Variants in SDK1 observed in about 807,000 individuals in gnomAD.
SDK1 encodes the protein protein sidekick-1.
A neutral mutation model predicts 245.5 loss-of-function variants in SDK1; 157 were observed. The observed-to-expected ratio is 0.64, with a 90% confidence interval of 0.56 to 0.73. SDK1 has a LOEUF of 0.73. Ranked by LOEUF, SDK1 falls within the 30% of genes least tolerant of loss-of-function variation. SDK1 has a pLI of 0.00. For missense variants in SDK1, 3,583 were observed against 3,002.3 expected (o/e 1.19, Z -4.52); for synonymous variants, 1,647 against 1,278.5 (o/e 1.29, Z -6.15).
intron 1 of SDK1, among the ~76,000 whole-genome samples, chr7:3,441,447 C>G (rs779682297): frequency 2.6e-5 from 4 of 152,116 alleles, no homozygotes; most frequent in Non-Finnish European, 5.9e-5. Flanking sequence ...TGAATTGTTC[C>G]AGCACCATTT....
chr7:4,025,917 G>C (rs28701564), intron 17 of SDK1, among the ~76,000 whole-genome samples: 1 of 152,110 alleles, frequency 6.6e-6, no homozygotes. Flanking sequence ...CCTGGGTGCC[G>C]CCCACACTGA....
intron 5 of SDK1, among the ~76,000 whole-genome samples, chr7:3,942,897 GTCTCATGGC>G (rs1015281787): frequency 3.9e-5 from 6 of 152,196 alleles, no homozygotes; most frequent in Admixed American, 3.9e-4. Flanking sequence ...TTATGCCTGA[GTCTCATGGC>G]TCAGGGAGAA....
rs540404671 is a variant in SDK1 at position 3,723,166 on chromosome 7, G to T, written c.713+81061G>T. ...GTGTGTTCTAAAATAAAAGGCTTCT[G>T]TACTCAAAATTGAGCTTTGTCCCTG... is the stretch of plus-strand genomic sequence containing the variant. On this transcript the variant is annotated intron_variant, in intron 4 of 44. Transcript: ENST00000404826. 3.3e-5 allele frequency among the ~76,000 whole-genome samples: 5 copies of T among 152,314 alleles called. No individual in the cohort carries two copies. In the East Asian group the frequency reaches 5.8e-4, roughly 18 times the overall value.
At chr7:3,721,598 G>T (rs1778803799) in intron 4 of SDK1, among the ~76,000 whole-genome samples, 1 of 152,186 alleles carries the variant, frequency 6.6e-6, no homozygotes, top group Non-Finnish European at 1.5e-5. Context: ...ACCCTCTGTT[G>T]TCTCTTCTGC....
chr7:4,209,235 G>A (rs576608198), intron 37 of SDK1, among the ~76,000 whole-genome samples: 3 of 152,320 alleles, frequency 2.0e-5, no homozygotes, highest in East Asian at 3.9e-4. Flanking sequence ...GAGCACTGCC[G>A]GCCTGGCAGG....
At chr7:3,682,419 C>G (rs1784128850) in intron 4 of SDK1, among the ~76,000 whole-genome samples, 1 of 62,374 alleles carries the variant, frequency 1.6e-5, no homozygotes, top group Non-Finnish European at 3.7e-5. Flanking sequence ...TATAATGAAG[C>G]TGTCACAAAT....
chr7:3,431,472 A>G (rs1238645400), intron 1 of SDK1, among the ~76,000 whole-genome samples: 1 of 148,418 alleles, frequency 6.7e-6, no homozygotes, highest in African/African-American at 2.5e-5. Context: ...GGTGTGGTCT[A>G]TGAGTAAGGC....
At chr7:3,527,454 G>A (rs572609942) in intron 1 of SDK1, among the ~76,000 whole-genome samples, 1 of 152,322 alleles carries the variant, frequency 6.6e-6, no homozygotes, top group East Asian at 1.9e-4. Context: ...ATGAAGGGCA[G>A]TTTAGGGAAG....
chr7:3,583,272 C>G (rs1780572127), intron 1 of SDK1, among the ~76,000 whole-genome samples: 1 of 152,176 alleles, frequency 6.6e-6, no homozygotes, highest in African/African-American at 2.4e-5. Context: ...CTCCATCTTT[C>G]CGGGAGTAAA....
chr7:3,605,811 T>G (rs1250588670), intron 1 of SDK1, among the ~76,000 whole-genome samples: 2 of 152,202 alleles, frequency 1.3e-5, no homozygotes, highest in African/African-American at 4.8e-5. Context: ...TGAAATAGTC[T>G]AGGACATTTA....
chr7:3,307,737 CAGT>C (rs1779453536), intron 1 of SDK1, among the ~76,000 whole-genome samples: 1 of 152,158 alleles, frequency 6.6e-6, no homozygotes, highest in Admixed American at 6.6e-5. Context: ...GGCTAAGTAT[CAGT>C]AGGCCTCGTT....
At chr7:3,694,976 A>G (rs919092934) in intron 4 of SDK1, among the ~76,000 whole-genome samples, 4 of 152,206 alleles carry the variant, frequency 2.6e-5, no homozygotes, top group Non-Finnish European at 4.4e-5. Flanking sequence ...TCTACCAAAC[A>G]TGAAAATATT....
intron 22 of SDK1, among the ~76,000 whole-genome samples, chr7:4,099,904 C>G (rs1349389871): frequency 6.6e-6 from 1 of 152,056 alleles, no homozygotes; most frequent in African/African-American, 2.4e-5. Flanking sequence ...GCCGGAGTGT[C>G]CGGGGCTGAC....
intron 44 of SDK1, among the ~76,000 whole-genome samples, chr7:4,261,786 C>A (rs531648704): frequency 6.6e-6 from 1 of 152,140 alleles, no homozygotes; most frequent in Admixed American, 6.5e-5. Context: ...GTCTGCCTGA[C>A]CCCTGTGAGA....
chr7:4,233,075 G>C, intron 40 of SDK1, 180 bp from the exon 41 acceptor site: 1 of 581,778 alleles, frequency 1.7e-6, no homozygotes, highest in African/African-American at 1.9e-5. Flanking sequence ...TTCATCTCCA[G>C]AACGCTCTTC....
Position 3,474,969 on chromosome 7 carries a change from G to T in SDK1, c.299-144111G>T, listed in dbSNP as rs1190030207. Among the ~76,000 whole-genome samples the T allele has an allele frequency of 1.1e-4, 16 of 152,314 alleles. No individual in the cohort carries two copies. In the East Asian group the frequency reaches 3.1e-3, roughly 29 times the overall value. On this transcript the variant is annotated intron_variant, in intron 1 of 44. Coordinates refer to ENST00000404826, the MANE Select transcript of SDK1 (RefSeq NM_152744.4). ...GCCTACCAAAATTCTGGAATTGCAG[G>T]TGTGAGCCACCGTGTCCAGCCCTGA...
chr7:3,866,201 C>G (rs1780817377), intron 5 of SDK1, among the ~76,000 whole-genome samples: 1 of 152,232 alleles, frequency 6.6e-6, no homozygotes, highest in African/African-American at 2.4e-5. Flanking sequence ...TCTCAGATCA[C>G]ACTGAAGAGC....
chr7:3,431,325 A>G (rs927573768), intron 1 of SDK1, among the ~76,000 whole-genome samples: 1 of 144,676 alleles, frequency 6.9e-6, no homozygotes, highest in Admixed American at 6.9e-5. Flanking sequence ...ATGAAGAAAG[A>G]CCCCGGGTAG....
At chr7:3,710,520 T>C (rs376823053) in intron 4 of SDK1, among the ~76,000 whole-genome samples, 1 of 152,160 alleles carries the variant, frequency 6.6e-6, no homozygotes, top group Admixed American at 6.5e-5. Context: ...TAGGGAAAAA[T>C]CTCCTGTTTT....
Sources: gnomAD v4.1 joint callset for allele counts (sites outside exome capture counted in the v4.1 genomes callset) on GRCh38, gnomAD v4.1.1 for gene constraint, MANE v1.5 for transcripts, NCBI Gene and HGNC (gene_info 2026-07-23, HGNC 2026-07-21) for gene names.